STK3: variants seen among roughly 807,000 people sequenced by gnomAD.
The protein encoded by STK3 is serine/threonine-protein kinase 3.
STK3 carries 41 observed loss-of-function variants against 58.0 expected under a neutral mutation model. The ratio of observed to expected loss-of-function variants is 0.71; its 90% CI spans 0.55 to 0.92. The LOEUF is 0.92. STK3 is among the 40% of genes least tolerant of loss of function. STK3 has a pLI of 0.00. For missense variants in STK3, 479 were observed against 602.7 expected (o/e 0.79, Z 2.15); for synonymous variants, 170 against 191.0 (o/e 0.89, Z 0.91).
At chr8:98,652,427 C>T (rs1361117049) in intron 6 of STK3, among the ~76,000 whole-genome samples, 5 of 152,038 alleles carry the variant, frequency 3.3e-5, no homozygotes, top group Admixed American at 3.3e-4. Context: ...CATCAACTAA[C>T]GAGCAAAATA....
At chr8:98,939,580 G>A (rs190273261) in intron 1 of STK3, among the ~76,000 whole-genome samples, 1 of 152,350 alleles carries the variant, frequency 6.6e-6, no homozygotes, top group African/African-American at 2.4e-5. Context: ...AAACAAGTCT[G>A]GAGACGGGAG....
chr8:98,940,114 C>T (rs75299775), intron 1 of STK3, among the ~76,000 whole-genome samples: 11,312 of 152,208 alleles, frequency 0.074, 641 homozygotes, highest in African/African-American at 0.16. Flanking sequence ...GCGCGCCGCC[C>T]CGGGAGCCCG....
chr8:98,637,536 G>A (rs1323030574), intron 6 of STK3, among the ~76,000 whole-genome samples: 3 of 152,110 alleles, frequency 2.0e-5, no homozygotes, highest in African/African-American at 7.2e-5. Context: ...TTAAGGACTA[G>A]CATTTTTTAT....
chr8:98,568,830 G>A (rs1364729142), intron 8 of STK3, among the ~76,000 whole-genome samples: 6 of 152,100 alleles, frequency 3.9e-5, no homozygotes, highest in African/African-American at 1.4e-4. Context: ...AACCTAAAAG[G>A]TTCAACAACC....
intron 4 of STK3, among the ~76,000 whole-genome samples, chr8:98,740,665 G>A (rs1261489671): frequency 6.6e-6 from 1 of 152,152 alleles, no homozygotes; most frequent in Non-Finnish European, 1.5e-5. Flanking sequence ...GACCATCGAG[G>A]CTAGGAAGAA....
intron 1 of STK3, among the ~76,000 whole-genome samples, chr8:98,920,151 A>T (rs932583871): frequency 1.3e-5 from 2 of 152,224 alleles, no homozygotes; most frequent in African/African-American, 4.8e-5. Context: ...GCTCATACCA[A>T]GTGAGAGAAC....
At chr8:98,814,671 A>G (rs1834437028) in intron 1 of STK3, among the ~76,000 whole-genome samples, 1 of 151,794 alleles carries the variant, frequency 6.6e-6, no homozygotes, top group African/African-American at 2.4e-5. Context: ...CACACCTGGC[A>G]AATTTTTTTT....
intron 3 of STK3, among the ~76,000 whole-genome samples, chr8:98,751,366 A>C (rs932094185): frequency 6.6e-6 from 1 of 152,222 alleles, no homozygotes; most frequent in African/African-American, 2.4e-5. Flanking sequence ...CCATAGCCTC[A>C]GCCCAAAAGC....
At chr8:98,871,108 C>T (rs754860768) in intron 3 of STK3, among the ~76,000 whole-genome samples, 93 of 152,186 alleles carry the variant, frequency 6.1e-4, no homozygotes, top group Non-Finnish European at 1.1e-3. Flanking sequence ...GGAATCCTTT[C>T]CCCATTTCTT....
intron 3 of STK3, among the ~76,000 whole-genome samples, chr8:98,751,970 A>G (rs1830016013): frequency 6.6e-6 from 1 of 151,916 alleles, no homozygotes; most frequent in African/African-American, 2.4e-5. Context: ...TAAAAAAATA[A>G]TATATAAACA....
intron 1 of STK3, among the ~76,000 whole-genome samples, chr8:98,446,596 A>G (rs1213598673): frequency 6.6e-6 from 1 of 152,212 alleles, no homozygotes; most frequent in Non-Finnish European, 1.5e-5. Flanking sequence ...ATTACTAAAA[A>G]GTCAAAAAAT....
chr8:98,395,914 C>T (rs905059268), intron 3 of STK3, among the ~76,000 whole-genome samples: 3 of 152,194 alleles, frequency 2.0e-5, no homozygotes, highest in African/African-American at 7.2e-5. Flanking sequence ...TCTTTCTTGA[C>T]TAGATATTTT....
intron 8 of STK3, among the ~76,000 whole-genome samples, chr8:98,577,388 G>A (rs535460755): frequency 1.4e-4 from 22 of 152,304 alleles, no homozygotes; most frequent in Admixed American, 1.3e-3. Context: ...TCAGGAGGCT[G>A]AGGCAGGAGA....
intron 3 of STK3, among the ~76,000 whole-genome samples, chr8:98,751,400 A>G (rs1829974460): frequency 6.6e-6 from 1 of 152,240 alleles, no homozygotes; most frequent in Non-Finnish European, 1.5e-5. Context: ...AAGCAACTTC[A>G]GCAAAGTCTC....
rs117988439 is a variant in STK3 at position 98,489,645 on chromosome 8, C to T, written c.1318-33645G>A. Among the ~76,000 whole-genome samples the T allele has an allele frequency of 6.2e-4, 94 of 151,994 alleles. 3 individuals carry two copies. The highest frequency in any genetic ancestry group is 4.2e-4 in the South Asian group (2 of 4,802). Reference sequence around the variant, plus strand: ...AAATTTATTTTTCCACACATTTAGCCGATTGTACCAACACCAAGATTCCAC... The same window carrying T: ...AAATTTATTTTTCCACACATTTAGCTGATTGTACCAACACCAAGATTCCAC... On this transcript the variant is annotated intron_variant, in intron 10 of 10. Coordinates refer to ENST00000419617, the MANE Select transcript of STK3 (RefSeq NM_006281.4).
chr8:98,818,994 G>A (rs1362275994), intron 1 of STK3, among the ~76,000 whole-genome samples: 1 of 152,080 alleles, frequency 6.6e-6, no homozygotes, highest in Admixed American at 6.6e-5. Flanking sequence ...CTAATTTTTT[G>A]TATTTTGTTT....
At chr8:98,879,405 C>G (rs1358421496), downstream of STK3, 1 of 152,124 alleles carries the variant, frequency 6.6e-6, no homozygotes, top group East Asian at 1.9e-4. Context: ...TCTTTCACTT[C>G]GAGGCATCAG....
chr8:98,533,845 C>T (rs1420819590), intron 9 of STK3, among the ~76,000 whole-genome samples: 1 of 152,094 alleles, frequency 6.6e-6, no homozygotes, highest in African/African-American at 2.4e-5. Flanking sequence ...CCGTAAGTTC[C>T]CTAATGTAGA....
intron 10 of STK3, among the ~76,000 whole-genome samples, chr8:98,523,167 G>C (rs1014454272): frequency 1.3e-5 from 2 of 152,142 alleles, no homozygotes; most frequent in African/African-American, 4.8e-5. Context: ...GGTGCACAAG[G>C]AAAGGTTCCA....
Sources: gnomAD v4.1 joint callset for allele counts (sites outside exome capture counted in the v4.1 genomes callset) on GRCh38, gnomAD v4.1.1 for gene constraint, MANE v1.5 for transcripts, NCBI Gene and HGNC (gene_info 2026-07-23, HGNC 2026-07-21) for gene names.